The following PTTG1IP variants were observed in gnomAD, a reference collection of about 807,000 sequenced individuals.
The protein encoded by PTTG1IP is pituitary tumor-transforming gene 1 protein-interacting protein.
PTTG1IP carries 16 observed loss-of-function variants against 24.4 expected under a neutral mutation model. The observed-to-expected ratio is 0.66, with a 90% CI of 0.44 to 1.00. The LOEUF (loss-of-function observed/expected upper bound fraction) is 1.00, where lower values mean the gene tolerates loss of function less well. Among genes scored for constraint, PTTG1IP ranks in the 50% least tolerant of loss-of-function variants. PTTG1IP has a pLI of 0.00. For synonymous variants in PTTG1IP, 89 were observed against 96.8 expected, an observed-to-expected ratio of 0.92 and a Z score of 0.47; for missense variants, 241 against 245.8, an observed-to-expected ratio of 0.98 and a Z score of 0.13.
At chr21:44,853,947 A>T (rs1003169821) in intron 5 of PTTG1IP, among the ~76,000 whole-genome samples, 14 of 152,348 alleles carry the variant, frequency 9.2e-5, no homozygotes, top group Admixed American at 8.5e-4. Flanking sequence ...CTCAGGTCAC[A>T]GCACAGTCAC....
Position 44,860,226 on chromosome 21 carries a change from G to A in PTTG1IP, c.277+937C>T, listed in dbSNP as rs1973875. ...TACTAAAAAATACAAGAAATTAGCC[G>A]GACGTGGTGGCGGGCACCTGTAGTC... On this transcript the variant is annotated intron_variant, in intron 3 of 5. Coordinates refer to ENST00000330938, the MANE Select transcript of PTTG1IP (RefSeq NM_004339.4). 2.2e-4 allele frequency among the ~76,000 whole-genome samples: 33 copies of A among 152,210 alleles called. 1 individual carries two copies. The highest frequency in any genetic ancestry group is 1.1e-3 in the Admixed American group (17 of 15,286).
At chr21:44,868,849 C>A (rs2083563143) in intron 1 of PTTG1IP, among the ~76,000 whole-genome samples, 1 of 152,162 alleles carries the variant, frequency 6.6e-6, no homozygotes, top group South Asian at 2.1e-4. Flanking sequence ...GATGCCAAGA[C>A]CACTGAGTCT....
In PTTG1IP at chr21:44,849,729, C is replaced by T. The variant is rs1275555382; in HGVS notation, c.*1852G>A. On this transcript the variant is annotated 3_prime_UTR_variant, in exon 6 of 6. Coordinates refer to ENST00000330938, the MANE Select transcript of PTTG1IP (RefSeq NM_004339.4). ...AAAAAGCAGATGGACGAAGACCGAC[C>T]TTACAGACGTGGGTTTCTACACTGA... is the stretch of plus-strand genomic sequence containing the variant. The T allele has an allele frequency of 6.6e-6, 1 of 152,506 alleles. No homozygotes were observed. The highest frequency in any genetic ancestry group is 1.5e-5 in the Non-Finnish European group (1 of 68,042). 9.4% of individuals were successfully genotyped at this position (152,506 alleles called of 1,614,324 possible). A position where few individuals can be genotyped will look rare whatever the true frequency, so the allele number is the denominator to read the frequency against.
chr21:44,862,763 T>A (rs867085757), intron 2 of PTTG1IP, among the ~76,000 whole-genome samples: 1 of 152,196 alleles, frequency 6.6e-6, no homozygotes, highest in South Asian at 2.1e-4. Flanking sequence ...ACCACCTTAG[T>A]GTCGTGTTTA....
chr21:44,870,644 A>G (rs1411486003), intron 1 of PTTG1IP, among the ~76,000 whole-genome samples: 1 of 152,196 alleles, frequency 6.6e-6, no homozygotes, highest in African/African-American at 2.4e-5. Context: ...ATACAGAAAA[A>G]ACATGTGCTA....
At chr21:44,866,457 T>C (rs1601255987) in intron 1 of PTTG1IP, among the ~76,000 whole-genome samples, 2 of 27,586 alleles carry the variant, frequency 7.3e-5, no homozygotes, top group Non-Finnish European at 6.4e-5. Flanking sequence ...GAGTGCCTAC[T>C]CCCCCAATCC....
chr21:44,873,686 G>C lies in PTTG1IP; in HGVS notation c.-70C>G, dbSNP rs181624099. 10 of 1,285,032 alleles carry C rather than the reference G, an allele frequency of 7.8e-6. No individual in the cohort carries two copies. The highest frequency in any genetic ancestry group is 9.9e-6 in the Non-Finnish European group (10 of 1,013,198). The allele number at this position is 1,285,032 out of a possible 1,614,324, so 79.6% of individuals were successfully genotyped here. A position where few individuals can be genotyped will look rare whatever the true frequency, so the allele number is the denominator to read the frequency against. On this transcript the variant is annotated 5_prime_UTR_variant, in exon 1 of 6. Transcript: ENST00000330938. ...ACTCCAGCACAAGCGGTCTCCGCCC[G>C]GAACAGCCGCGGCGCCGGAAGTGGA... is the stretch of plus-strand genomic sequence containing the variant.
chr21:44,864,442 G>A (rs2083518962), intron 2 of PTTG1IP, among the ~76,000 whole-genome samples: 1 of 152,216 alleles, frequency 6.6e-6, no homozygotes, highest in African/African-American at 2.4e-5. Flanking sequence ...TGTTGCCCAG[G>A]CTAGAGTGCA....
intron 2 of PTTG1IP, among the ~76,000 whole-genome samples, 184 bp from the exon 3 acceptor site, chr21:44,861,455 C>T (rs1036896079): frequency 6.6e-6 from 1 of 152,228 alleles, no homozygotes; most frequent in Non-Finnish European, 1.5e-5. Context: ...CCCAGCACAG[C>T]GGCCAGCAGC....
chr21:44,856,553 C>T (rs1467924229), intron 3 of PTTG1IP, among the ~76,000 whole-genome samples, 189 bp from the exon 4 acceptor site: 2 of 152,216 alleles, frequency 1.3e-5, no homozygotes, highest in East Asian at 3.9e-4. Flanking sequence ...CAGGGTCCCG[C>T]CCTCTCCAAG....
At chr21:44,861,071 G>A in intron 3 of PTTG1IP, 92 bp downstream of exon 3, 1 of 1,066,752 alleles carries the variant, frequency 9.4e-7, no homozygotes, top group Non-Finnish European at 1.4e-6. Context: ...CAAAGTGCTG[G>A]GATTACAGAC....
chr21:44,872,524 C>T (rs1052313370), intron 1 of PTTG1IP, among the ~76,000 whole-genome samples: 1 of 152,202 alleles, frequency 6.6e-6, no homozygotes, highest in Admixed American at 6.5e-5. Flanking sequence ...TAGTGGTCAC[C>T]TGGAAACTCC....
At chr21:44,853,507 C>CA (rs35396285) in intron 5 of PTTG1IP, among the ~76,000 whole-genome samples, 3,754 of 94,622 alleles carry the variant, frequency 0.04, 182 homozygotes, top group African/African-American at 0.12. Flanking sequence ...GACTCCGTCT[C>CA]AAAAAAAAAA....
chr21:44,859,621 G>A (rs1443352625), intron 3 of PTTG1IP, among the ~76,000 whole-genome samples: 1 of 152,194 alleles, frequency 6.6e-6, no homozygotes, highest in Admixed American at 6.5e-5. Flanking sequence ...AGGTCCAGGA[G>A]CTGTGTCTTC....
intron 3 of PTTG1IP, among the ~76,000 whole-genome samples, chr21:44,860,469 A>C (rs1022871241): frequency 8.3e-5 from 6 of 72,372 alleles, no homozygotes; most frequent in African/African-American, 7.6e-4. Flanking sequence ...CACACAAAAA[A>C]AGAGGGCTGT....
At chr21:44,853,907 A>G (rs2083429328) in intron 5 of PTTG1IP, among the ~76,000 whole-genome samples, 1 of 152,202 alleles carries the variant, frequency 6.6e-6, no homozygotes, top group African/African-American at 2.4e-5. Flanking sequence ...CCCCAAGCCG[A>G]CACTTCGAGA....
At chr21:44,856,428 C>T (rs35432315) in intron 3 of PTTG1IP, 64 bp from the exon 4 acceptor site, 129,549 of 1,516,132 alleles carry the variant, frequency 0.085, 5,784 homozygotes, top group South Asian at 0.091. Context: ...GCACAGCAGC[C>T]TTCCCTCGCC....
In PTTG1IP at chr21:44,862,811, C is replaced by T. The variant is rs569211799; in HGVS notation, c.169-1540G>A. On this transcript the variant is annotated intron_variant, in intron 2 of 5. Transcript: ENST00000330938. ...CATAATGTAACAATTAACAGTTAAA[C>T]CCTGTTTATTCTGGTCATTTGGGAG... 3.9e-5 allele frequency among the ~76,000 whole-genome samples: 6 copies of T among 152,310 alleles called. No homozygotes were observed. In the South Asian group the frequency reaches 1.0e-3, roughly 26 times the overall value.
chr21:44,872,285 C>T (rs971813448), intron 1 of PTTG1IP, among the ~76,000 whole-genome samples: 8 of 152,210 alleles, frequency 5.3e-5, no homozygotes, highest in African/African-American at 1.2e-4. Flanking sequence ...ACGTCACAAA[C>T]CCTAAGCACA....
Sources: allele counts gnomAD v4.1 joint callset (sites outside exome capture counted in the v4.1 genomes callset), GRCh38; gene constraint gnomAD v4.1.1; transcripts MANE v1.5; gene names NCBI Gene and HGNC (gene_info 2026-07-23, HGNC 2026-07-21).